Variants in VCF2 observed in about 807,000 individuals in gnomAD.
VCF2 encodes protein VCF2.
the VCF2 span, among the ~76,000 whole-genome samples, chrX:55,155,941 C>CT: frequency 0.19 from 9,564 of 50,442 alleles, 626 homozygotes; most frequent in Non-Finnish European, 0.28. Flanking sequence ...TCTTCTTCTT[C>CT]TTTTTTTTTT....
chrX:55,156,017 T>C, the VCF2 span, among the ~76,000 whole-genome samples: 1 of 104,094 alleles, frequency 9.6e-6, no homozygotes, highest in Admixed American at 1.0e-4. Context: ...AGTGGCACGA[T>C]CTTGGCTCAC....
the VCF2 span, chrX:55,146,332 A>G: frequency 3.4e-6 from 4 of 1,174,670 alleles, no homozygotes; most frequent in Non-Finnish European, 4.6e-6. Flanking sequence ...AAAGACAGAA[A>G]GGGGATTGCT....
the VCF2 span, among the ~76,000 whole-genome samples, chrX:55,149,178 T>TC: frequency 9.1e-6 from 1 of 110,455 alleles, no homozygotes; most frequent in Non-Finnish European, 1.9e-5. Context: ...CAGGAGGTTT[T>TC]TTTTTTTTTT....
the VCF2 span, among the ~76,000 whole-genome samples, chrX:55,158,137 G>C: frequency 8.9e-6 from 1 of 112,266 alleles, no homozygotes. Flanking sequence ...AATCATACCT[G>C]TGTATAGGTA....
the VCF2 span, among the ~76,000 whole-genome samples, chrX:55,150,944 C>T: frequency 8.9e-6 from 1 of 111,828 alleles, no homozygotes. Flanking sequence ...AACTCAGAAA[C>T]TTTTGTTTCT....
the VCF2 span, chrX:55,143,525 A>G: frequency 4.7e-6 from 1 of 210,823 alleles, no homozygotes. Flanking sequence ...CTTACAACAA[A>G]ATTTTCGCTG....
chrX:55,145,154 T>A, the VCF2 span: 1 of 194,976 alleles, frequency 5.1e-6, no homozygotes, highest in Non-Finnish European at 7.8e-6. Context: ...AAAGGGTCTA[T>A]GTAGCATAAA....
At chrX:55,160,171 A>C in the VCF2 span, among the ~76,000 whole-genome samples, 10 of 112,246 alleles carry the variant, frequency 8.9e-5, no homozygotes, top group Admixed American at 8.4e-4. Context: ...GGGTGTAAAT[A>C]TTATTTTATT....
chrX:55,151,811 T>C, the VCF2 span, among the ~76,000 whole-genome samples: 1 of 111,540 alleles, frequency 9.0e-6, no homozygotes, highest in East Asian at 2.8e-4. Flanking sequence ...AATAATGTTT[T>C]CATTTTTTTT....
chrX:55,155,077 C>A, the VCF2 span, among the ~76,000 whole-genome samples: 9 of 111,587 alleles, frequency 8.1e-5, no homozygotes, highest in Non-Finnish European at 1.5e-4. Flanking sequence ...AAGGGTGTGA[C>A]AAATGGAGAG....
At chrX:55,161,047 C>T in the VCF2 span, 1 of 1,184,388 alleles carries the variant, frequency 8.4e-7, no homozygotes, top group Non-Finnish European at 1.1e-6. Context: ...CGCCCTGAGC[C>T]CCGAGATCTT....
chrX:55,146,156 G>A, the VCF2 span: 4 of 1,211,332 alleles, frequency 3.3e-6, no homozygotes, highest in Non-Finnish European at 4.5e-6. Context: ...TGATATGGGA[G>A]TAAAGACCTT....
At chrX:55,148,123 C>G in the VCF2 span, among the ~76,000 whole-genome samples, 1 of 110,014 alleles carries the variant, frequency 9.1e-6, no homozygotes, top group Non-Finnish European at 1.9e-5. Flanking sequence ...AAATAGTTAA[C>G]AGAGAAATAA....
At chrX:55,159,395 T>G in the VCF2 span, among the ~76,000 whole-genome samples, 1 of 112,011 alleles carries the variant, frequency 8.9e-6, no homozygotes, top group East Asian at 2.8e-4. Flanking sequence ...TTACCAGGCA[T>G]GAAGATAAAA....
chrX:55,154,260 C>A, the VCF2 span, among the ~76,000 whole-genome samples: 1 of 111,812 alleles, frequency 8.9e-6, no homozygotes, highest in Non-Finnish European at 1.9e-5. Context: ...AGTGCAAATT[C>A]TTTTATCAGA....
chrX:55,160,892 A>T, the VCF2 span: 5 of 1,157,907 alleles, frequency 4.3e-6, no homozygotes, highest in Non-Finnish European at 5.7e-6. Flanking sequence ...GTTCTTTCGG[A>T]GAAGGCTTCG....
At chrX:55,159,895 A>G in the VCF2 span, among the ~76,000 whole-genome samples, 1 of 112,301 alleles carries the variant, frequency 8.9e-6, no homozygotes, top group Admixed American at 9.4e-5. Flanking sequence ...CGTTTGACAT[A>G]GTTTTCACAG....
chrX:55,154,103 G>A, the VCF2 span, among the ~76,000 whole-genome samples: 6 of 111,662 alleles, frequency 5.4e-5, no homozygotes, highest in African/African-American at 2.0e-4. Flanking sequence ...TAGTACAGAA[G>A]CATTAACCTT....
At chrX:55,148,900 T>A in the VCF2 span, among the ~76,000 whole-genome samples, 4 of 112,196 alleles carry the variant, frequency 3.6e-5, no homozygotes, top group South Asian at 1.5e-3. Flanking sequence ...CAACTCATTT[T>A]CAGCTTCTGT....
Sources: gnomAD v4.1 joint callset for allele counts (sites outside exome capture counted in the v4.1 genomes callset) on GRCh38, gnomAD v4.1.1 for gene constraint, MANE v1.5 for transcripts, NCBI Gene and HGNC (gene_info 2026-07-23, HGNC 2026-07-21) for gene names.